The following TANC2 variants were observed in gnomAD, a reference collection of about 807,000 sequenced individuals.
The protein encoded by TANC2 is protein TANC2.
A neutral mutation model predicts 210.5 loss-of-function variants in TANC2; 26 were observed. The ratio of observed to expected loss-of-function variants is 0.12; its 90% CI spans 0.09 to 0.17. The LOEUF is 0.17. Among genes scored for constraint, TANC2 ranks in the 10% least tolerant of loss-of-function variants. TANC2 has a pLI of 1.00. For missense variants in TANC2, 2,129 were observed against 2,608.9 expected (o/e 0.82, Z 4.01); for synonymous variants, 931 against 967.1 (o/e 0.96, Z 0.69).
intron 14 of TANC2, among the ~76,000 whole-genome samples, chr17:63,358,093 A>C (rs1230257619): frequency 6.6e-6 from 1 of 152,230 alleles, no homozygotes; most frequent in East Asian, 1.9e-4. Flanking sequence ...CTTCTCCAGA[A>C]ATAGGCTACC....
Position 63,421,021 on chromosome 17 carries a change from G to C in TANC2, c.5291G>C (p.Ser1764Thr). Residue 1764 changes from serine (S) to threonine (T), a missense_variant, in exon 28 of 28, where the codon AGC becomes ACC. Coordinates refer to ENST00000689528, the Ensembl canonical transcript of TANC2. This position sits in a 1 kb window ranked among gnomAD's most constrained non-coding sequence, Gnocchi z 6.9. ...AGGCCGGTGCAGCATGTCCAAGCCAGCCTGAGTGCAGGCGCCATCTGTCAG... is the reference window on the plus strand; with the variant it reads ...AGGCCGGTGCAGCATGTCCAAGCCACCCTGAGTGCAGGCGCCATCTGTCAG... 3.1e-6 allele frequency: 5 copies of C among 1,614,046 alleles called. No individual in the cohort carries two copies. The highest frequency in any genetic ancestry group is 4.2e-6 in the Non-Finnish European group (5 of 1,179,900).
At chr17:63,380,851 A>C (rs1013939146) in intron 15 of TANC2, among the ~76,000 whole-genome samples, 5 of 152,230 alleles carry the variant, frequency 3.3e-5, no homozygotes, top group Non-Finnish European at 1.5e-5. Context: ...CACAGTGACA[A>C]ATCTTGTATT....
intron 2 of TANC2, among the ~76,000 whole-genome samples, chr17:63,024,725 T>C (rs573175389): frequency 6.6e-6 from 1 of 152,336 alleles, no homozygotes; most frequent in South Asian, 2.1e-4. Flanking sequence ...GTAGCAAATA[T>C]GTGAGAGACT....
intron 2 of TANC2, among the ~76,000 whole-genome samples, chr17:63,032,263 G>A (rs72843168): frequency 3.3e-5 from 5 of 151,952 alleles, no homozygotes; most frequent in Admixed American, 6.6e-5. Context: ...GGTCAACTCC[G>A]GTCTTATTTA....
chr17:63,406,211 C>T (rs768478015), exon 21 of TANC2: 22 of 1,613,800 alleles, frequency 1.4e-5, no homozygotes, highest in Admixed American at 3.3e-5. Context: ...CAAGCAGGGC[C>T]GCACTCCCCT....
chr17:63,297,541 A>G (rs1874361545), intron 9 of TANC2, among the ~76,000 whole-genome samples: 1 of 152,116 alleles, frequency 6.6e-6, no homozygotes, highest in Non-Finnish European at 1.5e-5. Flanking sequence ...ACCTCACACC[A>G]TACAGAAAAC....
At chr17:63,083,721 T>C (rs2036860024) in intron 3 of TANC2, among the ~76,000 whole-genome samples, 1 of 152,222 alleles carries the variant, frequency 6.6e-6, no homozygotes, top group Non-Finnish European at 1.5e-5. Flanking sequence ...TCAAATGCTT[T>C]TTATGGATCT....
chr17:63,112,986 C>G (rs955938628), intron 4 of TANC2, among the ~76,000 whole-genome samples: 1 of 152,092 alleles, frequency 6.6e-6, no homozygotes, highest in Non-Finnish European at 1.5e-5. Context: ...TGACCTTGTC[C>G]TTCTTTACTT....
chr17:63,276,519 TC>T (rs2043879499), intron 9 of TANC2, among the ~76,000 whole-genome samples: 1 of 151,182 alleles, frequency 6.6e-6, no homozygotes, highest in South Asian at 2.1e-4. Flanking sequence ...TTAACTGTTC[TC>T]CAAAGATCTT....
chr17:62,983,722 G>A (rs765115453), intron 1 of TANC2, among the ~76,000 whole-genome samples: 7 of 152,070 alleles, frequency 4.6e-5, no homozygotes, highest in Non-Finnish European at 1.0e-4. Flanking sequence ...CTGTTGAGAT[G>A]ATTGTATGGT....
chr17:63,130,487 C>T (rs927408527), intron 4 of TANC2, among the ~76,000 whole-genome samples: 2 of 149,990 alleles, frequency 1.3e-5, no homozygotes, highest in South Asian at 2.1e-4. Context: ...ACTCCAGCCT[C>T]GGTGACAGAG....
intron 8 of TANC2, among the ~76,000 whole-genome samples, chr17:63,254,999 T>C (rs906598392): frequency 8.6e-5 from 13 of 151,978 alleles, no homozygotes; most frequent in African/African-American, 3.1e-4. Flanking sequence ...AGAATGAGTT[T>C]GGAAATACTC....
chr17:63,205,736 G>A (rs985128856), intron 7 of TANC2, among the ~76,000 whole-genome samples: 1 of 151,970 alleles, frequency 6.6e-6, no homozygotes, highest in Admixed American at 6.6e-5. Flanking sequence ...GGCCAACATA[G>A]CGAGACCCCC....
At chr17:63,043,356 CAT>C (rs2035261665) in intron 2 of TANC2, among the ~76,000 whole-genome samples, 1 of 152,082 alleles carries the variant, frequency 6.6e-6, no homozygotes, top group Non-Finnish European at 1.5e-5. Context: ...TTCACACACA[CAT>C]ATACGCATAT....
chr17:63,109,312 C>T (rs1426884121), intron 4 of TANC2, among the ~76,000 whole-genome samples: 1 of 151,362 alleles, frequency 6.6e-6, no homozygotes, highest in African/African-American at 2.4e-5. Context: ...TAGAAGTGAT[C>T]AAAATGAAAA....
intron 1 of TANC2, among the ~76,000 whole-genome samples, chr17:62,996,506 T>C (rs922490106): frequency 2.6e-5 from 4 of 152,182 alleles, no homozygotes; most frequent in Admixed American, 1.3e-4. Context: ...GTCTATAAAT[T>C]TGTTCTAACC....
intron 7 of TANC2, among the ~76,000 whole-genome samples, chr17:63,201,923 A>G (rs2145806291): frequency 6.6e-6 from 1 of 152,312 alleles, no homozygotes; most frequent in Admixed American, 6.5e-5. Flanking sequence ...TTTCTAGCTC[A>G]GGAAATCTTT....
At chr17:63,185,970 C>CTT (rs2040968327) in intron 5 of TANC2, among the ~76,000 whole-genome samples, 3 of 152,064 alleles carry the variant, frequency 2.0e-5, no homozygotes, top group Admixed American at 2.0e-4. Context: ...CCTTTTGGGC[C>CTT]TTTGTAAGAA....
intron 13 of TANC2, among the ~76,000 whole-genome samples, chr17:63,353,699 G>A (rs1172294195): frequency 1.3e-5 from 2 of 152,056 alleles, no homozygotes; most frequent in Non-Finnish European, 2.9e-5. Flanking sequence ...AGCAAAAAAG[G>A]GAAGGTTAAA....
Sources: allele counts gnomAD v4.1 joint callset (sites outside exome capture counted in the v4.1 genomes callset), GRCh38; gene constraint gnomAD v4.1.1; non-coding constraint Gnocchi (gnomAD v3.1); transcripts MANE v1.5; gene names NCBI Gene and HGNC (gene_info 2026-07-23, HGNC 2026-07-21).